Variants in FOXN3 observed in about 807,000 individuals in gnomAD.
FOXN3 encodes forkhead box protein N3.
Under a neutral mutation model 38.4 loss-of-function variants are expected in FOXN3, and 7 were observed. That is an observed-to-expected ratio of 0.18 (90% CI 0.10 to 0.34). The LOEUF (loss-of-function observed/expected upper bound fraction) is 0.34. Among genes scored for constraint, FOXN3 ranks in the 10% least tolerant of loss-of-function variants. The probability of loss-of-function intolerance (pLI) is 1.00; values close to 1 mark genes in which losing one functional copy is unlikely to be tolerated. For missense variants in FOXN3, 456 were observed against 613.4 expected (o/e 0.74, Z 2.71); for synonymous variants, 230 against 242.2 (o/e 0.95, Z 0.47).
chr14:89,463,168 A>T (rs1892890304), intron 1 of FOXN3, among the ~76,000 whole-genome samples: 1 of 151,508 alleles, frequency 6.6e-6, no homozygotes, highest in Non-Finnish European at 1.5e-5. Flanking sequence ...AGGCGCCTGT[A>T]GTCCCAGCTA....
At chr14:89,491,290 T>C (rs1416969713) in intron 1 of FOXN3, among the ~76,000 whole-genome samples, 6 of 152,150 alleles carry the variant, frequency 3.9e-5, no homozygotes, top group Non-Finnish European at 8.8e-5. Context: ...CTAACCTTAA[T>C]ACAATGCAAT....
rs138438786 is a variant in FOXN3, at chr14:89,256,798, C to A, written c.745+24152G>T. 1.7e-3 allele frequency among the ~76,000 whole-genome samples: 264 copies of A among 152,298 alleles called. 2 individuals carry two copies. Among genetic ancestry groups the A allele is most frequent in the African/African-American group, 6.1e-3 (252 of 41,552 alleles). Reference sequence around the variant, plus strand: ...TGGTGAAATTTAGCTTTATTGATTTCTATTTCTGACTTTCTCGACACTGGC... The same window carrying A: ...TGGTGAAATTTAGCTTTATTGATTTATATTTCTGACTTTCTCGACACTGGC... On this transcript the variant is annotated intron_variant, in intron 4 of 5. Coordinates refer to ENST00000557258, the MANE Select transcript of FOXN3 (RefSeq NM_005197.4).
chr14:89,397,430 A>G (rs933625434), intron 2 of FOXN3, among the ~76,000 whole-genome samples: 7 of 148,240 alleles, frequency 4.7e-5, no homozygotes, highest in African/African-American at 7.7e-5. Flanking sequence ...CCCCAAACCT[A>G]AAATAAAAGT....
At chr14:89,528,106 A>G (rs1392858631) in intron 1 of FOXN3, among the ~76,000 whole-genome samples, 1 of 152,208 alleles carries the variant, frequency 6.6e-6, no homozygotes, top group Non-Finnish European at 1.5e-5. Flanking sequence ...ATATTTTGAC[A>G]GTTTCTTAAA....
rs183668471 is a variant in FOXN3, at chr14:89,232,885, G to A, written c.745+48065C>T. On this transcript the variant is annotated intron_variant, in intron 4 of 5. Coordinates refer to ENST00000557258, the MANE Select transcript of FOXN3 (RefSeq NM_005197.4). ...CAAAATGGCAGGACACTGATCACTT[G>A]TGACAGGAAGCATTTGCACTGAGAG... Among the ~76,000 whole-genome samples, 3 of 152,292 alleles carry A rather than the reference G, an allele frequency of 2.0e-5. No individual in the cohort carries two copies. The East Asian group carries it at 5.8e-4, about 29-fold the overall frequency.
chr14:89,400,383 C>A (rs546679559), intron 2 of FOXN3, among the ~76,000 whole-genome samples: 2 of 152,102 alleles, frequency 1.3e-5, no homozygotes, highest in Admixed American at 6.6e-5. Context: ...TACCTCCACC[C>A]GAATGTCTCC....
At chr14:89,506,014 G>A (rs1163038528) in intron 1 of FOXN3, among the ~76,000 whole-genome samples, 4 of 150,654 alleles carry the variant, frequency 2.7e-5, no homozygotes, top group African/African-American at 7.3e-5. Flanking sequence ...ACCCCGTCCG[G>A]GAGGGAGGTG....
Position 89,484,585 on chromosome 14 carries a change from C to T in FOXN3, c.-14-72095G>A, listed in dbSNP as rs1276938268. 3.3e-5 allele frequency among the ~76,000 whole-genome samples: 5 copies of T among 152,204 alleles called. No homozygotes were observed. The highest frequency in any genetic ancestry group is 7.2e-5 in the African/African-American group (3 of 41,452). ...GGCAGGCAGTATTTGGCCCCTGGGCCGACTGTGGTTTACCAACCCCTGGCC... is the reference window on the plus strand; with the variant it reads ...GGCAGGCAGTATTTGGCCCCTGGGCTGACTGTGGTTTACCAACCCCTGGCC... On this transcript the variant is annotated intron_variant, in intron 1 of 6. Coordinates refer to the FOXN3 transcript ENST00000345097. This position sits in a 1 kb window ranked among gnomAD's most constrained non-coding sequence, Gnocchi z 4.0.
intron 4 of FOXN3, among the ~76,000 whole-genome samples, chr14:89,248,858 G>C (rs892765147): frequency 3.3e-5 from 5 of 152,168 alleles, no homozygotes; most frequent in African/African-American, 1.2e-4. Flanking sequence ...TATTCAAGTG[G>C]AATACTTTAA....
chr14:89,322,186 T>A (rs1887916865), intron 3 of FOXN3, among the ~76,000 whole-genome samples: 1 of 152,158 alleles, frequency 6.6e-6, no homozygotes, highest in African/African-American at 2.4e-5. Flanking sequence ...ACAGGGCAAC[T>A]GTTAATAATT....
At chr14:89,495,062 G>A (rs1893651489) in intron 1 of FOXN3, among the ~76,000 whole-genome samples, 1 of 152,128 alleles carries the variant, frequency 6.6e-6, no homozygotes, top group South Asian at 2.1e-4. Flanking sequence ...TTATTCAACT[G>A]GTAAGCCGCT....
chr14:89,466,841 C>A (rs907857680), intron 1 of FOXN3, among the ~76,000 whole-genome samples: 2 of 152,192 alleles, frequency 1.3e-5, no homozygotes, highest in African/African-American at 4.8e-5. Flanking sequence ...CACTGATCCC[C>A]TCAGGCCTAC....
intron 1 of FOXN3, among the ~76,000 whole-genome samples, chr14:89,589,579 TA>T (rs546979867): frequency 1.3e-5 from 2 of 151,944 alleles, no homozygotes; most frequent in South Asian, 4.1e-4. Context: ...CCGAGGTCTA[TA>T]GGCGAACAGT....
chr14:89,609,549 C>A (rs1268383991), intron 1 of FOXN3, among the ~76,000 whole-genome samples: 1 of 152,160 alleles, frequency 6.6e-6, no homozygotes, highest in African/African-American at 2.4e-5. Flanking sequence ...CATGATTTAG[C>A]CCTCCCAATA....
intron 3 of FOXN3, among the ~76,000 whole-genome samples, chr14:89,340,889 C>T (rs1164930237): frequency 1.3e-5 from 2 of 152,104 alleles, no homozygotes; most frequent in African/African-American, 4.8e-5. Context: ...CTGAATTAGT[C>T]CCATCACGGT....
intron 1 of FOXN3, among the ~76,000 whole-genome samples, chr14:89,453,160 T>A (rs149851858): frequency 6.6e-6 from 1 of 151,856 alleles, no homozygotes; most frequent in South Asian, 2.1e-4. Context: ...GACGGCGCCA[T>A]TGCACTCCAG....
At chr14:89,527,274 C>G (rs1178201830) in intron 1 of FOXN3, among the ~76,000 whole-genome samples, 10 of 152,110 alleles carry the variant, frequency 6.6e-5, no homozygotes. Context: ...GACTATAAAA[C>G]TGTTAAAGGA....
chr14:89,337,914 G>A (rs996551828), intron 3 of FOXN3, among the ~76,000 whole-genome samples: 3 of 152,180 alleles, frequency 2.0e-5, no homozygotes, highest in Admixed American at 6.5e-5. Flanking sequence ...ACAGGCGTGA[G>A]CCACCGTGCC....
chr14:89,190,371 A>T, intron 4 of FOXN3: 1 of 1,604,610 alleles, frequency 6.2e-7, no homozygotes, highest in African/African-American at 1.3e-5. Context: ...AGGCTATAGA[A>T]ATATCTACTC....
Sources: gnomAD v4.1 joint callset for allele counts (sites outside exome capture counted in the v4.1 genomes callset) on GRCh38, gnomAD v4.1.1 for gene constraint, Gnocchi (gnomAD v3.1) non-coding constraint, MANE v1.5 for transcripts, NCBI Gene and HGNC (gene_info 2026-07-23, HGNC 2026-07-21) for gene names.